The following GOLM2 variants were observed in gnomAD, a reference collection of about 807,000 sequenced individuals.
GOLM2 encodes golgi membrane protein 2, also known as protein GOLM2.
A neutral mutation model predicts 55.9 loss-of-function variants in GOLM2; 26 were observed. The observed-to-expected ratio is 0.47, with a 90% CI of 0.34 to 0.65. The LOEUF is 0.65. Ranked by LOEUF, GOLM2 falls within the 30% of genes least tolerant of loss-of-function variation. The pLI is 0.01. For missense variants in GOLM2, 486 were observed against 531.8 expected (o/e 0.91, Z 0.85); for synonymous variants, 165 against 194.6 (o/e 0.85, Z 1.27).
chr15:44,396,725 T>C (rs2079529487), intron 8 of GOLM2, among the ~76,000 whole-genome samples: 1 of 152,194 alleles, frequency 6.6e-6, no homozygotes, highest in Non-Finnish European at 1.5e-5. Flanking sequence ...ATGTGGTATA[T>C]GAATTAAAGT....
intron 8 of GOLM2, among the ~76,000 whole-genome samples, chr15:44,398,208 G>C (rs2079540192): frequency 6.6e-6 from 1 of 152,246 alleles, no homozygotes; most frequent in South Asian, 2.1e-4. Context: ...ACTTTCTAGA[G>C]CAGTGTGCAA....
intron 9 of GOLM2, among the ~76,000 whole-genome samples, chr15:44,410,825 C>T (rs2079633015): frequency 6.7e-6 from 1 of 149,906 alleles, no homozygotes; most frequent in Non-Finnish European, 1.5e-5. Context: ...TCCCTTGAGC[C>T]CTGGGAAGTT....
At chr15:44,323,822 C>G (rs991892039) in intron 2 of GOLM2, among the ~76,000 whole-genome samples, 21 of 152,024 alleles carry the variant, frequency 1.4e-4, no homozygotes, top group Admixed American at 1.3e-4. Flanking sequence ...TTTTTATTGT[C>G]CTCTCGAAGT....
chr15:44,391,100 T>C (rs1003735935), intron 8 of GOLM2, among the ~76,000 whole-genome samples: 8 of 152,136 alleles, frequency 5.3e-5, no homozygotes, highest in African/African-American at 9.7e-5. Context: ...GTATCAAAAG[T>C]TCCCCCCTTC....
chr15:44,384,690 T>A (rs1340606198), intron 8 of GOLM2, among the ~76,000 whole-genome samples: 2 of 151,524 alleles, frequency 1.3e-5, no homozygotes, highest in Middle Eastern at 3.4e-3. Flanking sequence ...GAGCTTGCAG[T>A]GAGCCAAGAT....
intron 6 of GOLM2, among the ~76,000 whole-genome samples, chr15:44,349,213 C>T (rs1282350470): frequency 2.0e-5 from 3 of 148,484 alleles, no homozygotes; most frequent in Admixed American, 6.7e-5. Flanking sequence ...GAGCTGAGAT[C>T]GCGCCATTGC....
chr15:44,332,470 C>T (rs912192403), intron 4 of GOLM2, among the ~76,000 whole-genome samples: 8 of 151,728 alleles, frequency 5.3e-5, no homozygotes, highest in African/African-American at 1.9e-4. Context: ...GGCAGGAGAA[C>T]CGCTTGAGCC....
chr15:44,389,125 C>T (rs1408976052), intron 8 of GOLM2, among the ~76,000 whole-genome samples: 1 of 152,102 alleles, frequency 6.6e-6, no homozygotes, highest in Non-Finnish European at 1.5e-5. Flanking sequence ...CTTGAAAATT[C>T]ATTTTTAAGT....
intron 6 of GOLM2, among the ~76,000 whole-genome samples, chr15:44,351,596 A>C (rs987022410): frequency 1.3e-5 from 2 of 149,188 alleles, no homozygotes; most frequent in Non-Finnish European, 3.0e-5. Context: ...AAAAAAAAAA[A>C]AACACAGACA....
At chr15:44,413,306 T>C in intron 9 of GOLM2, 30 bp from the exon 10 acceptor site, 1 of 1,525,066 alleles carries the variant, frequency 6.6e-7, no homozygotes, top group Non-Finnish European at 9.1e-7. Flanking sequence ...TAAAAAATAA[T>C]ATGTTGATAC....
intron 8 of GOLM2, among the ~76,000 whole-genome samples, chr15:44,385,253 A>G (rs1252458877): frequency 1.3e-5 from 2 of 151,948 alleles, no homozygotes; most frequent in African/African-American, 4.8e-5. Context: ...GAACTGCCAA[A>G]CCATTTTCCA....
At chr15:44,388,858 C>T (rs1306702490) in intron 8 of GOLM2, among the ~76,000 whole-genome samples, 4 of 151,874 alleles carry the variant, frequency 2.6e-5, no homozygotes, top group Admixed American at 6.6e-5. Flanking sequence ...GTCTGTCGCC[C>T]GTGCTGGAGT....
intron 2 of GOLM2, among the ~76,000 whole-genome samples, chr15:44,325,459 C>T (rs903076156): frequency 3.9e-5 from 6 of 152,036 alleles, no homozygotes; most frequent in Admixed American, 6.6e-5. Context: ...AGAAGCCATC[C>T]AAGAATCTTA....
At position 44,369,080 on chromosome 15, in the gene GOLM2, T is replaced by TTATATATATATATATATAC. The variant is rs2079308477; in HGVS notation, c.803-10610_803-10609insTATATATATATATATATAC. ...TAATAGGATATATTATATATATATA[T>TTATATATATATATATATAC]ATATATATATATATATATATATATA... On this transcript the variant is annotated intron_variant, in intron 6 of 9. Coordinates refer to ENST00000299957, the MANE Select transcript of GOLM2 (RefSeq NM_138423.4). Among the ~76,000 whole-genome samples the TTATATATATATATATATAC allele has an allele frequency of 3.1e-5, 2 of 65,506 alleles. 1 individual carries two copies. The highest frequency in any genetic ancestry group is 1.2e-3 in the East Asian group (2 of 1,728). 43.0% of individuals were successfully genotyped at this position (65,506 alleles called of 152,430 possible).
chr15:44,353,500 C>G (rs921438364), intron 6 of GOLM2, among the ~76,000 whole-genome samples: 1 of 152,076 alleles, frequency 6.6e-6, no homozygotes, highest in Non-Finnish European at 1.5e-5. Context: ...TTGCACTATT[C>G]GCAGTAGCCA....
chr15:44,337,995 A>G (rs2079068907), intron 5 of GOLM2, 88 bp downstream of exon 5: 2 of 1,305,892 alleles, frequency 1.5e-6, no homozygotes, highest in Non-Finnish European at 2.1e-6. Flanking sequence ...AATCATAAAG[A>G]AAATTGTTTG....
chr15:44,322,139 C>T (rs941393596), intron 1 of GOLM2, among the ~76,000 whole-genome samples: 1 of 151,838 alleles, frequency 6.6e-6, no homozygotes, highest in Non-Finnish European at 1.5e-5. Context: ...AGGCAGAGGC[C>T]GGCAGACCAC....
chr15:44,357,445 A>G (rs920581784), intron 6 of GOLM2, among the ~76,000 whole-genome samples: 5 of 152,214 alleles, frequency 3.3e-5, no homozygotes, highest in Admixed American at 6.5e-5. Context: ...ACAAGTAACA[A>G]CATACCTAGT....
chr15:44,336,862 G>T (rs1159502584), intron 4 of GOLM2, among the ~76,000 whole-genome samples: 1 of 152,106 alleles, frequency 6.6e-6, no homozygotes, highest in Non-Finnish European at 1.5e-5. Context: ...CTTGGAGTGA[G>T]CCGAGATCGC....
Sources: gnomAD v4.1 joint callset for allele counts (sites outside exome capture counted in the v4.1 genomes callset) on GRCh38, gnomAD v4.1.1 for gene constraint, MANE v1.5 for transcripts, NCBI Gene and HGNC (gene_info 2026-07-23, HGNC 2026-07-21) for gene names.